Variants in KIF6 observed in about 807,000 individuals in gnomAD.
The protein encoded by KIF6 is kinesin family member 6, also known as kinesin-like protein KIF6.
A neutral mutation model predicts 112.7 loss-of-function variants in KIF6; 106 were observed. The observed-to-expected ratio is 0.94, with a 90% confidence interval of 0.80 to 1.11. KIF6 has a LOEUF of 1.11. Ranked by LOEUF, KIF6 falls within the 50% of genes least tolerant of loss-of-function variation. The probability of loss-of-function intolerance (pLI) is 0.00; values close to 1 mark genes in which losing one functional copy is unlikely to be tolerated. For synonymous variants in KIF6, 339 were observed against 339.9 expected, an observed-to-expected ratio of 1.00 and a Z score of 0.03; for missense variants, 929 against 964.0, an observed-to-expected ratio of 0.96 and a Z score of 0.48.
intron 10 of KIF6, among the ~76,000 whole-genome samples, chr6:39,558,312 T>C (rs2150591146): frequency 6.6e-6 from 1 of 152,252 alleles, no homozygotes; most frequent in Non-Finnish European, 1.5e-5. Context: ...TGTTTATCCA[T>C]CCTTTGTGCA....
intron 5 of KIF6, among the ~76,000 whole-genome samples, chr6:39,621,234 T>TACACACACACACACACAC (rs1477311569): frequency 1.4e-5 from 1 of 70,440 alleles, no homozygotes; most frequent in African/African-American, 6.3e-5. Flanking sequence ...CACACACACG[T>TACACACACACACACACAC]ACACATATAT....
In KIF6 at chr6:39,331,837, G is replaced by T. The variant is rs1762748520; in HGVS notation, c.*4695C>A. The T allele has an allele frequency of 2.0e-5, 3 of 152,174 alleles. No individual in the cohort carries two copies. The South Asian group carries it at 6.2e-4, about 32-fold the overall frequency. 9.4% of individuals were successfully genotyped at this position (152,174 alleles called of 1,614,324 possible). On this transcript the variant is annotated 3_prime_UTR_variant, in exon 23 of 23. Transcript: ENST00000287152. ...ATGCTTATGTTTAAGGAATTACAAG[G>T]AGCATTTTTTCTGCCTAGATTTGAA...
intron 22 of KIF6, among the ~76,000 whole-genome samples, chr6:39,337,199 C>CTTTCTTTCTTTCTTTCT (rs1562102685): frequency 1.1e-5 from 1 of 93,338 alleles, no homozygotes; most frequent in African/African-American, 7.6e-5. Flanking sequence ...TTCTTTCTTT[C>CTTTCTTTCTTTCTTTCT]TTTCTTTCTT....
At chr6:39,338,081 TA>T (rs1238439539) in intron 22 of KIF6, among the ~76,000 whole-genome samples, 1 of 152,234 alleles carries the variant, frequency 6.6e-6, no homozygotes, top group Non-Finnish European at 1.5e-5. Flanking sequence ...GTAAGAGTGA[TA>T]TGCAGTTATT....
chr6:39,720,858 G>A, intron 1 of KIF6, 47 bp from the exon 2 acceptor site: 2 of 826,542 alleles, frequency 2.4e-6, no homozygotes, highest in Admixed American at 1.8e-5. Context: ...TGAAATTATG[G>A]CTTGAACTAT....
intron 12 of KIF6, among the ~76,000 whole-genome samples, chr6:39,540,857 A>C (rs1424097423): frequency 6.6e-6 from 1 of 152,234 alleles, no homozygotes; most frequent in African/African-American, 2.4e-5. Flanking sequence ...TATCATTTTA[A>C]AATGCACCTT....
intron 7 of KIF6, among the ~76,000 whole-genome samples, chr6:39,592,735 A>C (rs374181753): frequency 3.9e-5 from 6 of 152,356 alleles, no homozygotes; most frequent in East Asian, 1.9e-4. Flanking sequence ...TTTTGGAAAA[A>C]GTACTGCATA....
chr6:39,499,668 A>C (rs750524799), intron 13 of KIF6, among the ~76,000 whole-genome samples: 1 of 152,136 alleles, frequency 6.6e-6, no homozygotes, highest in Non-Finnish European at 1.5e-5. Flanking sequence ...GTTTGGCTTG[A>C]GAATATGGGT....
chr6:39,535,282 G>A (rs1479095058), intron 13 of KIF6, among the ~76,000 whole-genome samples: 1 of 152,198 alleles, frequency 6.6e-6, no homozygotes, highest in African/African-American at 2.4e-5. Flanking sequence ...GGGATAAAGA[G>A]TCAAGACCCA....
chr6:39,641,412 C>T (rs1437495585), intron 3 of KIF6, among the ~76,000 whole-genome samples: 1 of 151,836 alleles, frequency 6.6e-6, no homozygotes, highest in Non-Finnish European at 1.5e-5. Flanking sequence ...CTAAACACCA[C>T]ATGTCCTCAC....
intron 3 of KIF6, among the ~76,000 whole-genome samples, chr6:39,703,107 A>T (rs1788977745): frequency 7.3e-6 from 1 of 137,844 alleles, no homozygotes; most frequent in Admixed American, 7.8e-5. Flanking sequence ...CACCAAGACA[A>T]AACAAACATC....
chr6:39,706,068 G>A (rs139640801), intron 3 of KIF6, among the ~76,000 whole-genome samples: 3 of 152,218 alleles, frequency 2.0e-5, no homozygotes, highest in African/African-American at 7.2e-5. Flanking sequence ...TCCAAGTAAC[G>A]CTTTTTATTT....
chr6:39,497,276 A>G (rs542942915), intron 13 of KIF6, among the ~76,000 whole-genome samples: 2 of 152,232 alleles, frequency 1.3e-5, no homozygotes, highest in Non-Finnish European at 2.9e-5. Context: ...ATTCCTGCTC[A>G]AAAACGACTT....
At chr6:39,574,244 A>C (rs1780805139) in intron 10 of KIF6, among the ~76,000 whole-genome samples, 1 of 152,240 alleles carries the variant, frequency 6.6e-6, no homozygotes, top group Non-Finnish European at 1.5e-5. Flanking sequence ...TAAATATTAT[A>C]CAATAGTAAG....
intron 15 of KIF6, 81 bp downstream of exon 15, chr6:39,419,867 G>T: frequency 8.3e-7 from 1 of 1,207,320 alleles, no homozygotes; most frequent in Non-Finnish European, 1.2e-6. Context: ...GGGCTTCATG[G>T]CCATTTGGAG....
At chr6:39,419,353 CAAAAAAA>C (rs10682536) in intron 15 of KIF6, among the ~76,000 whole-genome samples, 8 of 73,754 alleles carry the variant, frequency 1.1e-4, no homozygotes, top group Admixed American at 8.6e-4. Context: ...GACTCTGTCT[CAAAAAAA>C]AAAAAAAAAA....
intron 13 of KIF6, among the ~76,000 whole-genome samples, chr6:39,433,168 C>T (rs1413807856): frequency 6.6e-6 from 1 of 152,242 alleles, no homozygotes; most frequent in Non-Finnish European, 1.5e-5. Flanking sequence ...TTACAATGCA[C>T]TGAGCAACCA....
intron 3 of KIF6, among the ~76,000 whole-genome samples, chr6:39,698,595 G>A (rs985285720): frequency 1.4e-4 from 21 of 152,158 alleles, no homozygotes; most frequent in African/African-American, 4.8e-4. Flanking sequence ...CCGAAACTCA[G>A]AGTGAAAACA....
In KIF6 at chr6:39,343,814, T is replaced by G; in HGVS notation, c.2323A>C (p.Ile775Leu). ...SSTSTPLEDS[I>L]PKRPVSSIPL... Reference sequence around the variant, plus strand: ...ATGGACGACACTGGCCTCTTGGGGATGCTGGAGGCAACCACGTGTCACATT... The same window carrying G: ...ATGGACGACACTGGCCTCTTGGGGAGGCTGGAGGCAACCACGTGTCACATT... Residue 775 changes from isoleucine (I) to leucine (L), a missense_variant and splice_region_variant, in exon 22 of 23, where the codon ATC (isoleucine) becomes CTC (leucine). By Grantham distance (5) the Ile-to-Leu change is conservative (BLOSUM62 2). This residue lies in a region of KIF6 where 241 missense variants were observed against 301.4 expected (regional missense o/e 0.80). Transcript: ENST00000287152. The surrounding 1 kb of genome is among the most constrained non-coding windows in gnomAD (Gnocchi z 4.1). 6.3e-7 allele frequency: 1 copy of G among 1,581,430 alleles called. No homozygotes were observed. Among genetic ancestry groups the G allele is most frequent in the South Asian group, 1.1e-5 (1 of 87,642 alleles).
Sources: gnomAD v4.1 joint callset for allele counts (sites outside exome capture counted in the v4.1 genomes callset) on GRCh38, gnomAD v4.1.1 for gene constraint, gnomAD v4.1.1 regional missense constraint, Gnocchi (gnomAD v3.1) non-coding constraint, MANE v1.5 for transcripts, NCBI Gene and HGNC (gene_info 2026-07-23, HGNC 2026-07-21) for gene names.